The following CFAP20DC variants were observed in gnomAD, a reference collection of about 807,000 sequenced individuals.
CFAP20DC encodes the protein protein CFAP20DC.
A neutral mutation model predicts 101.7 loss-of-function variants in CFAP20DC; 84 were observed. The observed-to-expected ratio is 0.83, with a 90% confidence interval of 0.69 to 0.99. CFAP20DC has a LOEUF of 0.99. Among genes scored for constraint, CFAP20DC ranks in the 50% least tolerant of loss-of-function variants. The pLI is 0.00. For synonymous variants in CFAP20DC, 359 were observed against 351.2 expected (o/e 1.02, Z -0.25); for missense variants, 1,007 against 970.3 (o/e 1.04, Z -0.50).
intron 3 of CFAP20DC, among the ~76,000 whole-genome samples, chr3:58,734,794 C>T (rs751224381): frequency 1.0e-3 from 158 of 152,230 alleles, no homozygotes; most frequent in Non-Finnish European, 1.5e-3. Flanking sequence ...CTTCACAGCC[C>T]AAAGCACTTA....
At chr3:58,972,276 A>G (rs1252443551) in intron 4 of CFAP20DC, among the ~76,000 whole-genome samples, 1 of 152,122 alleles carries the variant, frequency 6.6e-6, no homozygotes, top group Non-Finnish European at 1.5e-5. Context: ...ATTTACTTAT[A>G]GTGGTTTATT....
chr3:58,794,131 G>A (rs958847372), intron 15 of CFAP20DC: 2 of 294,152 alleles, frequency 6.8e-6, no homozygotes, highest in Non-Finnish European at 1.4e-5. Flanking sequence ...TAATTCAAAG[G>A]TCACTACTGT....
chr3:58,850,166 A>G (rs1455286515), intron 12 of CFAP20DC, among the ~76,000 whole-genome samples: 2 of 152,202 alleles, frequency 1.3e-5, no homozygotes, highest in East Asian at 3.9e-4. Context: ...ATGAAAGTAG[A>G]TAATGAAAAT....
chr3:58,885,483 A>G (rs2081548390), intron 6 of CFAP20DC, among the ~76,000 whole-genome samples: 1 of 152,042 alleles, frequency 6.6e-6, no homozygotes, highest in Non-Finnish European at 1.5e-5. Context: ...TTTGGTGGGT[A>G]CACTCAATAT....
chr3:58,938,501 A>C (rs994624542), intron 4 of CFAP20DC, among the ~76,000 whole-genome samples: 1 of 152,164 alleles, frequency 6.6e-6, no homozygotes, highest in African/African-American at 2.4e-5. Context: ...TATAGAATTG[A>C]TGCTTCTTTA....
rs940762285 is a variant in CFAP20DC at position 58,964,632 on chromosome 3, C to T, written c.279-26870G>A. ...AAATGCTGTGATTTTTAAGTTAACA[C>T]CTACCACTTACTAATAATAATTTGA... On this transcript the variant is annotated intron_variant, in intron 4 of 16. Transcript: ENST00000482387. This position sits in a 1 kb window ranked among gnomAD's most constrained non-coding sequence, Gnocchi z 4.1. Among the ~76,000 whole-genome samples, 1 of 152,164 alleles carries T rather than the reference C, an allele frequency of 6.6e-6. No individual in the cohort carries two copies. Among genetic ancestry groups the T allele is most frequent in the Non-Finnish European group, 1.5e-5 (1 of 68,022 alleles).
chr3:58,801,905 C>T (rs1475911318), intron 15 of CFAP20DC, among the ~76,000 whole-genome samples: 1 of 152,178 alleles, frequency 6.6e-6, no homozygotes, highest in Non-Finnish European at 1.5e-5. Flanking sequence ...ATTGAGCAAA[C>T]ACTTTAGAAA....
chr3:58,947,434 A>G (rs529870905), intron 4 of CFAP20DC, among the ~76,000 whole-genome samples: 2 of 152,338 alleles, frequency 1.3e-5, no homozygotes, highest in South Asian at 4.1e-4. Flanking sequence ...CACATAAGCT[A>G]CAAATATATG....
At chr3:58,862,734 A>G (rs1296218401) in intron 12 of CFAP20DC, 1 of 964,956 alleles carries the variant, frequency 1.0e-6, no homozygotes, top group South Asian at 4.8e-5. Flanking sequence ...TATAATTTCT[A>G]TATAGAAAAG....
chr3:58,829,035 A>G (rs1187583148), intron 14 of CFAP20DC, among the ~76,000 whole-genome samples: 1 of 152,132 alleles, frequency 6.6e-6, no homozygotes, highest in East Asian at 1.9e-4. Context: ...TCACTGAGAT[A>G]AAAGAAGAGT....
At position 59,046,325 on chromosome 3, in the gene CFAP20DC, A is replaced by G; in HGVS notation, c.112-3T>C. The G allele has an allele frequency of 6.7e-7, 1 of 1,503,220 alleles. No homozygotes were observed. Among genetic ancestry groups the G allele is most frequent in the African/African-American group, 1.4e-5 (1 of 71,392 alleles). The allele number at this position is 1,503,220 out of a possible 1,614,324, so 93.1% of individuals were successfully genotyped here. A position where few individuals can be genotyped will look rare whatever the true frequency, so the allele number is the denominator to read the frequency against. Reference sequence around the variant, plus strand: ...CTTTTAACTTCTTTATCAAACTCCTATAGAACAAAATGAAAACAGTAGTTA... The same window carrying G: ...CTTTTAACTTCTTTATCAAACTCCTGTAGAACAAAATGAAAACAGTAGTTA... On this transcript the variant is annotated splice_region_variant and splice_polypyrimidine_tract_variant and intron_variant, in intron 2 of 16. Coordinates refer to ENST00000482387, the MANE Select transcript of CFAP20DC (RefSeq NM_001394063.1).
At chr3:58,968,693 G>A (rs1276911549) in intron 4 of CFAP20DC, among the ~76,000 whole-genome samples, 1 of 152,136 alleles carries the variant, frequency 6.6e-6, no homozygotes, top group Non-Finnish European at 1.5e-5. Flanking sequence ...CTTTCACTGT[G>A]CAGAAGCTCT....
intron 6 of CFAP20DC, among the ~76,000 whole-genome samples, chr3:58,898,632 C>A (rs990607849): frequency 6.6e-6 from 1 of 152,196 alleles, no homozygotes; most frequent in Non-Finnish European, 1.5e-5. Context: ...TTACAACATG[C>A]TCCTTTAGCT....
At position 58,874,135 on chromosome 3, in the gene CFAP20DC, G is replaced by T. The variant is rs1424105967; in HGVS notation, c.716-3826C>A. Reference sequence around the variant, plus strand: ...ACCAGCTCCTCTTCAGTGTCTGAAAGGCACTTCAAACTGGAAACCTGGTCT... The same window carrying T: ...ACCAGCTCCTCTTCAGTGTCTGAAATGCACTTCAAACTGGAAACCTGGTCT... On this transcript the variant is annotated intron_variant, in intron 7 of 16. Coordinates refer to ENST00000482387, the MANE Select transcript of CFAP20DC (RefSeq NM_001394063.1). This position sits in a 1 kb window ranked among gnomAD's most constrained non-coding sequence, Gnocchi z 5.1. Among the ~76,000 whole-genome samples, 1 of 152,208 alleles carries T rather than the reference G, an allele frequency of 6.6e-6. No homozygotes were observed. Among genetic ancestry groups the T allele is most frequent in the East Asian group, 1.9e-4 (1 of 5,198 alleles).
intron 3 of CFAP20DC, among the ~76,000 whole-genome samples, chr3:58,733,148 A>G (rs529457086): frequency 6.6e-6 from 1 of 152,128 alleles, no homozygotes; most frequent in Non-Finnish European, 1.5e-5. Flanking sequence ...CCTGGCTAAC[A>G]TGGTGAAACC....
At chr3:58,920,706 G>C (rs1465605055) in intron 5 of CFAP20DC, among the ~76,000 whole-genome samples, 1 of 152,062 alleles carries the variant, frequency 6.6e-6, no homozygotes, top group East Asian at 1.9e-4. Context: ...TGGTGTTAAG[G>C]AGCCATATGT....
intron 5 of CFAP20DC, among the ~76,000 whole-genome samples, chr3:58,932,900 C>T (rs2086925851): frequency 6.6e-6 from 1 of 152,176 alleles, no homozygotes; most frequent in African/African-American, 2.4e-5. Context: ...ATCATAATGA[C>T]AGGATCAAAT....
intron 4 of CFAP20DC, among the ~76,000 whole-genome samples, chr3:58,994,293 C>T (rs528203455): frequency 6.6e-6 from 1 of 152,304 alleles, no homozygotes; most frequent in South Asian, 2.1e-4. Context: ...GCTCTCATTG[C>T]TCACAGGCCT....
At position 58,859,028 on chromosome 3, in the gene CFAP20DC, C is replaced by G. The variant is rs1014817615; in HGVS notation, c.1593+4530G>C. 1.3e-5 allele frequency among the ~76,000 whole-genome samples: 2 copies of G among 152,172 alleles called. No homozygotes were observed. Among genetic ancestry groups the G allele is most frequent in the African/African-American group, 4.8e-5 (2 of 41,446 alleles). ...ACCATCCCAAGAAGTACTTGTGCTT[C>G]TACTTGAATTTTGTAGCAAATGATG... On this transcript the variant is annotated intron_variant, in intron 12 of 16. Transcript: ENST00000482387. The surrounding 1 kb of genome is among the most constrained non-coding windows in gnomAD (Gnocchi z 4.1).
Sources: allele counts gnomAD v4.1 joint callset (sites outside exome capture counted in the v4.1 genomes callset), GRCh38; gene constraint gnomAD v4.1.1; non-coding constraint Gnocchi (gnomAD v3.1); transcripts MANE v1.5; gene names NCBI Gene and HGNC (gene_info 2026-07-23, HGNC 2026-07-21).